Variants in ATP11C observed in about 807,000 individuals in gnomAD.
ATP11C encodes phospholipid-transporting ATPase IG.
ATP11C carries 36 observed loss-of-function variants against 97.4 expected under a neutral mutation model. The ratio of observed to expected loss-of-function variants is 0.37; its 90% CI spans 0.28 to 0.49. ATP11C has a LOEUF of 0.49. ATP11C is among the 20% of genes least tolerant of loss of function. The pLI is 0.98. For missense variants in ATP11C, 730 were observed against 824.6 expected (o/e 0.89, Z 1.40); for synonymous variants, 275 against 290.9 (o/e 0.95, Z 0.56).
intron 8 of ATP11C, among the ~76,000 whole-genome samples, chrX:139,799,384 C>T (rs1022345649): frequency 9.0e-6 from 1 of 111,438 alleles, no homozygotes; most frequent in African/African-American, 3.3e-5. Context: ...GTTCTTCCAG[C>T]ATTTTACCCA....
intron 19 of ATP11C, among the ~76,000 whole-genome samples, chrX:139,771,096 G>A (rs766332045): frequency 1.2e-3 from 132 of 111,522 alleles, no homozygotes; most frequent in Non-Finnish European, 2.3e-3. Flanking sequence ...AACTTGAATT[G>A]TATCTCCCAA....
chrX:139,774,377 A>T (rs2082309392), intron 19 of ATP11C, among the ~76,000 whole-genome samples: 1 of 112,234 alleles, frequency 8.9e-6, no homozygotes, highest in African/African-American at 3.2e-5. Flanking sequence ...TGAAAGGAAT[A>T]TTTTTTTCTT....
intron 24 of ATP11C, among the ~76,000 whole-genome samples, chrX:139,746,317 A>C (rs1408974157): frequency 9.0e-6 from 1 of 111,651 alleles, no homozygotes; most frequent in Non-Finnish European, 1.9e-5. Flanking sequence ...AAAACTACTA[A>C]TGCCTGGCTG....
At chrX:139,851,841 G>A (rs1456202204) in intron 1 of ATP11C, among the ~76,000 whole-genome samples, 4 of 111,954 alleles carry the variant, frequency 3.6e-5, no homozygotes, top group Middle Eastern at 4.6e-3. Flanking sequence ...CTTCCTTCTT[G>A]GTTATTCCTC....
intron 12 of ATP11C, among the ~76,000 whole-genome samples, chrX:139,790,445 T>TTCTCTCTC (rs1217777441): frequency 1.0e-5 from 1 of 96,852 alleles, no homozygotes; most frequent in Admixed American, 1.2e-4. Flanking sequence ...GACCACTTAT[T>TTCTCTCTC]TCTCTCTCTC....
intron 1 of ATP11C, among the ~76,000 whole-genome samples, chrX:139,833,197 G>C (rs1022259848): frequency 8.9e-6 from 1 of 112,111 alleles, no homozygotes; most frequent in Admixed American, 9.5e-5. Flanking sequence ...ACCAATGAAT[G>C]CATTTTTCCA....
intron 22 of ATP11C, among the ~76,000 whole-genome samples, chrX:139,758,676 C>T (rs1224962768): frequency 8.9e-6 from 1 of 112,014 alleles, no homozygotes; most frequent in Non-Finnish European, 1.9e-5. Context: ...ACTACCAGCA[C>T]GAGAATTTTC....
At chrX:139,755,001 G>C (rs939744470) in intron 23 of ATP11C, among the ~76,000 whole-genome samples, 6 of 111,940 alleles carry the variant, frequency 5.4e-5, no homozygotes, top group African/African-American at 1.9e-4. Flanking sequence ...AATCAGGCAA[G>C]AGAAAGAAAT....
intron 1 of ATP11C, among the ~76,000 whole-genome samples, chrX:139,837,616 T>C (rs2083767965): frequency 8.9e-6 from 1 of 112,408 alleles, no homozygotes; most frequent in African/African-American, 3.2e-5. Context: ...TAGAAAATAG[T>C]TATAGCATTA....
chrX:139,841,787 T>G (rs891037904), intron 1 of ATP11C, among the ~76,000 whole-genome samples: 3 of 112,484 alleles, frequency 2.7e-5, no homozygotes, highest in Non-Finnish European at 1.9e-5. Context: ...TAAAACATTA[T>G]ACATACATAC....
rs200548879 is a variant in ATP11C at position 139,731,804 on chromosome X, C to G, written c.3289-49G>C. On this transcript the variant is annotated intron_variant, in intron 28 of 29. Coordinates refer to ENST00000682941, the MANE Select transcript of ATP11C (RefSeq NM_001353812.2). Reference sequence around the variant, plus strand: ...TTAAAGCATTTGAAAATTGGTTAACCTACCTGGTGATTATATATTTAAAAA... The same window carrying G: ...TTAAAGCATTTGAAAATTGGTTAACGTACCTGGTGATTATATATTTAAAAA... 7.8e-4 allele frequency: 669 copies of G among 854,018 alleles called. 4 individuals are homozygous for G. In the African/African-American group the frequency reaches 0.012, roughly 16 times the overall value. 70.4% of individuals were successfully genotyped at this position (854,018 alleles called of 1,213,427 possible). A position where few individuals can be genotyped will look rare whatever the true frequency, so the allele number is the denominator to read the frequency against.
intron 1 of ATP11C, among the ~76,000 whole-genome samples, chrX:139,842,789 C>G (rs2083854908): frequency 8.9e-6 from 1 of 111,837 alleles, no homozygotes; most frequent in African/African-American, 3.2e-5. Context: ...ATAATTCACA[C>G]GTGCCAGGCT....
chrX:139,747,839 G>A (rs1266681921), intron 24 of ATP11C, among the ~76,000 whole-genome samples: 1 of 111,976 alleles, frequency 8.9e-6, no homozygotes, highest in Non-Finnish European at 1.9e-5. Flanking sequence ...GACAGGCCAA[G>A]AGCAGTGTCT....
intron 1 of ATP11C, among the ~76,000 whole-genome samples, chrX:139,829,668 T>G (rs2083603231): frequency 9.0e-6 from 1 of 111,163 alleles, no homozygotes; most frequent in African/African-American, 3.3e-5. Context: ...AAACTGGAAA[T>G]ATGCTGGTAC....
At chrX:139,935,575 C>T (rs1455863734), upstream of ATP11C, among the ~76,000 whole-genome samples, 3 of 109,811 alleles carry the variant, frequency 2.7e-5, no homozygotes, top group Non-Finnish European at 5.7e-5. Flanking sequence ...CCATCCCCAC[C>T]CCCCAAAAAA....
rs148721843 is a variant in ATP11C, at chrX:139,891,609, A to G, written c.27+40407T>C. On this transcript the variant is annotated intron_variant, in intron 1 of 29. Transcript: ENST00000682941. Reference sequence around the variant, plus strand: ...CACTCACACACACATGCATGCACACATACTCATCTCCCCATTGCCTAGCTA... The same window carrying G: ...CACTCACACACACATGCATGCACACGTACTCATCTCCCCATTGCCTAGCTA... Among the ~76,000 whole-genome samples, 34 of 111,641 alleles carry G rather than the reference A, an allele frequency of 3.0e-4. 1 individual carries two copies. The East Asian group carries it at 9.3e-3, about 30-fold the overall frequency.
intron 18 of ATP11C, among the ~76,000 whole-genome samples, chrX:139,776,070 G>A (rs1441892554): frequency 1.8e-5 from 2 of 111,995 alleles, no homozygotes; most frequent in African/African-American, 6.5e-5. Context: ...CAAAAGAAAT[G>A]TGGGCACAGT....
chrX:139,884,941 A>G (rs191382172), intron 1 of ATP11C, among the ~76,000 whole-genome samples: 107 of 111,998 alleles, frequency 9.6e-4, no homozygotes, highest in African/African-American at 3.4e-3. Context: ...TGTATTCCTC[A>G]AAACTCAATG....
chrX:139,820,294 G>C (rs1163281018), intron 2 of ATP11C, among the ~76,000 whole-genome samples: 1 of 110,478 alleles, frequency 9.1e-6, no homozygotes, highest in Non-Finnish European at 1.9e-5. Flanking sequence ...CCAGCTACTT[G>C]AGAGGCTAAG....
Sources: gnomAD v4.1 joint callset for allele counts (sites outside exome capture counted in the v4.1 genomes callset) on GRCh38, gnomAD v4.1.1 for gene constraint, MANE v1.5 for transcripts, NCBI Gene and HGNC (gene_info 2026-07-23, HGNC 2026-07-21) for gene names.